CCBE1: variants seen among roughly 807,000 people sequenced by gnomAD.
CCBE1 encodes collagen and calcium binding EGF domains 1, also known as collagen and calcium-binding EGF domain-containing protein 1.
A neutral mutation model predicts 50.0 loss-of-function variants in CCBE1; 37 were observed. The observed-to-expected ratio is 0.74, with a 90% CI of 0.57 to 0.97. The LOEUF is 0.97. Among genes scored for constraint, CCBE1 ranks in the 50% least tolerant of loss-of-function variants. The probability of loss-of-function intolerance (pLI) is 0.00; values close to 1 mark genes in which losing one functional copy is unlikely to be tolerated. For missense variants in CCBE1, 538 were observed against 523.8 expected, an observed-to-expected ratio of 1.03 and a Z score of -0.26; for synonymous variants, 234 against 203.7, an observed-to-expected ratio of 1.15 and a Z score of -1.27.
At chr18:59,512,294 A>G (rs1914166353) in intron 2 of CCBE1, among the ~76,000 whole-genome samples, 1 of 152,258 alleles carries the variant, frequency 6.6e-6, no homozygotes, top group Admixed American at 6.5e-5. Context: ...CTGAAAGAGC[A>G]CATGATAGCA....
chr18:59,538,001 C>G (rs183201413), intron 2 of CCBE1, among the ~76,000 whole-genome samples: 8 of 152,290 alleles, frequency 5.3e-5, no homozygotes, highest in Non-Finnish European at 7.4e-5. Flanking sequence ...AATGAAAAAT[C>G]TATTTTTTGG....
chr18:59,682,801 C>A (rs2054608459), intron 2 of CCBE1, among the ~76,000 whole-genome samples: 1 of 152,226 alleles, frequency 6.6e-6, no homozygotes, highest in Non-Finnish European at 1.5e-5. Flanking sequence ...AATTGGATGA[C>A]CCTCAGTTCT....
At chr18:59,677,615 G>A (rs1471675946) in intron 2 of CCBE1, among the ~76,000 whole-genome samples, 2 of 151,932 alleles carry the variant, frequency 1.3e-5, no homozygotes, top group Non-Finnish European at 2.9e-5. Context: ...TCAACACAGA[G>A]AAAGATAAAT....
At chr18:59,541,757 C>T (rs1248990050) in intron 2 of CCBE1, among the ~76,000 whole-genome samples, 1 of 152,126 alleles carries the variant, frequency 6.6e-6, no homozygotes, top group African/African-American at 2.4e-5. Context: ...ATAACACACT[C>T]TGTGTTCAAA....
At chr18:59,448,577 C>A (rs749998) in intron 6 of CCBE1, among the ~76,000 whole-genome samples, 40,242 of 151,968 alleles carry the variant, frequency 0.26, 5,789 homozygotes, top group Middle Eastern at 0.38. Context: ...GGTTCCCCAG[C>A]ACACTCAGGG....
chr18:59,537,409 C>T (rs866949813), intron 2 of CCBE1, among the ~76,000 whole-genome samples: 14 of 152,064 alleles, frequency 9.2e-5, no homozygotes, highest in African/African-American at 2.4e-4. Context: ...AATTGAATCA[C>T]GGGGGCAGTT....
At chr18:59,569,540 A>C (rs1318272494) in intron 2 of CCBE1, among the ~76,000 whole-genome samples, 1 of 152,206 alleles carries the variant, frequency 6.6e-6, no homozygotes, top group Non-Finnish European at 1.5e-5. Flanking sequence ...ACAGCTAGTA[A>C]ATTAGAGTCA....
intron 2 of CCBE1, among the ~76,000 whole-genome samples, chr18:59,556,768 T>C (rs2052662907): frequency 1.3e-5 from 2 of 152,222 alleles, no homozygotes; most frequent in South Asian, 2.1e-4. Context: ...GAAGTGGAAA[T>C]GTCCAAGGAA....
At chr18:59,666,868 G>T (rs2054365097) in intron 2 of CCBE1, among the ~76,000 whole-genome samples, 1 of 152,160 alleles carries the variant, frequency 6.6e-6, no homozygotes, top group African/African-American at 2.4e-5. Context: ...AGGAGCCTGA[G>T]GCAGGAAAAT....
intron 10 of CCBE1, among the ~76,000 whole-genome samples, chr18:59,437,907 A>G (rs750890981): frequency 3.3e-5 from 5 of 152,266 alleles, no homozygotes; most frequent in Non-Finnish European, 7.3e-5. Flanking sequence ...AGAAAACAGC[A>G]ACAGAAAACA....
intron 2 of CCBE1, among the ~76,000 whole-genome samples, chr18:59,634,086 C>T (rs2053887201): frequency 6.6e-6 from 1 of 152,114 alleles, no homozygotes; most frequent in Non-Finnish European, 1.5e-5. Flanking sequence ...CTGAATCCAA[C>T]TGGAGAGAAA....
chr18:59,509,645 G>A (rs1233054853), intron 2 of CCBE1, among the ~76,000 whole-genome samples: 2 of 152,148 alleles, frequency 1.3e-5, no homozygotes, highest in Non-Finnish European at 2.9e-5. Context: ...GTCTTAAGTT[G>A]ACAGCAGCAC....
chr18:59,522,852 C>T (rs1914660357), intron 2 of CCBE1, among the ~76,000 whole-genome samples: 1 of 151,792 alleles, frequency 6.6e-6, no homozygotes, highest in East Asian at 1.9e-4. Context: ...ATTAGCCGGG[C>T]GTGGTGGCGG....
chr18:59,544,939 GAAGTT>G (rs1263298740), intron 2 of CCBE1, among the ~76,000 whole-genome samples: 3 of 152,186 alleles, frequency 2.0e-5, no homozygotes, highest in East Asian at 3.8e-4. Flanking sequence ...CATCTAATAT[GAAGTT>G]TAGTTCCAGA....
intron 2 of CCBE1, among the ~76,000 whole-genome samples, chr18:59,658,202 C>G (rs1292406203): frequency 2.7e-5 from 4 of 148,650 alleles, no homozygotes; most frequent in African/African-American, 9.9e-5. Context: ...GTACCTGGCA[C>G]ATAAGCACTC....
intron 2 of CCBE1, among the ~76,000 whole-genome samples, chr18:59,692,267 G>A (rs571247397): frequency 2.0e-5 from 3 of 152,278 alleles, no homozygotes; most frequent in East Asian, 3.9e-4. Context: ...CCTATGTGTC[G>A]TGAATTTTTC....
At chr18:59,531,375 C>G (rs945726690) in intron 2 of CCBE1, among the ~76,000 whole-genome samples, 1 of 151,992 alleles carries the variant, frequency 6.6e-6, no homozygotes, top group Non-Finnish European at 1.5e-5. Flanking sequence ...CTCCAACAGT[C>G]TTATGGGCTA....
intron 2 of CCBE1, among the ~76,000 whole-genome samples, chr18:59,609,222 A>G (rs2053540855): frequency 6.6e-6 from 1 of 152,144 alleles, no homozygotes; most frequent in Non-Finnish European, 1.5e-5. Flanking sequence ...TTGAAGCATC[A>G]TCTACTTCCT....
At chr18:59,444,778 T>A (rs1389636442) in intron 7 of CCBE1, among the ~76,000 whole-genome samples, 1 of 152,162 alleles carries the variant, frequency 6.6e-6, no homozygotes, top group Non-Finnish European at 1.5e-5. Flanking sequence ...CACTGTAGTT[T>A]TGGTTTGCAA....
Sources: gnomAD v4.1 joint callset for allele counts (sites outside exome capture counted in the v4.1 genomes callset) on GRCh38, gnomAD v4.1.1 for gene constraint, MANE v1.5 for transcripts, NCBI Gene and HGNC (gene_info 2026-07-23, HGNC 2026-07-21) for gene names.